Variants in CNTNAP2 observed in about 807,000 individuals in gnomAD.
CNTNAP2 encodes the protein contactin-associated protein-like 2.
CNTNAP2 carries 98 observed loss-of-function variants against 155.2 expected under a neutral mutation model. The observed-to-expected ratio is 0.63, with a 90% CI of 0.54 to 0.75. The LOEUF (loss-of-function observed/expected upper bound fraction) is 0.75. Among genes scored for constraint, CNTNAP2 ranks in the 30% least tolerant of loss-of-function variants. The pLI, the probability that CNTNAP2 is intolerant of heterozygous loss-of-function variation, is 0.00. For synonymous variants in CNTNAP2, 651 were observed against 631.2 expected, an observed-to-expected ratio of 1.03 and a Z score of -0.47; for missense variants, 1,727 against 1,688.1, an observed-to-expected ratio of 1.02 and a Z score of -0.40.
intron 1 of CNTNAP2, among the ~76,000 whole-genome samples, chr7:146,334,213 G>C (rs1461779943): frequency 6.6e-6 from 1 of 152,052 alleles, no homozygotes; most frequent in South Asian, 2.1e-4. Flanking sequence ...AAGCAGATTA[G>C]GAGGTCAGGA....
At chr7:146,939,266 C>T (rs1325530434) in intron 3 of CNTNAP2, among the ~76,000 whole-genome samples, 2 of 152,092 alleles carry the variant, frequency 1.3e-5, no homozygotes, top group South Asian at 4.1e-4. Flanking sequence ...AATAGGAGTT[C>T]GTTTTGAATT....
At chr7:148,080,790 G>A (rs1424332537) in intron 15 of CNTNAP2, among the ~76,000 whole-genome samples, 1 of 152,072 alleles carries the variant, frequency 6.6e-6, no homozygotes, top group East Asian at 1.9e-4. Context: ...AGCAGGGGGG[G>A]AAATGTGAGG....
intron 13 of CNTNAP2, among the ~76,000 whole-genome samples, chr7:147,822,300 G>A (rs1408549503): frequency 1.3e-5 from 2 of 152,184 alleles, no homozygotes; most frequent in Non-Finnish European, 2.9e-5. Flanking sequence ...TAGATACATG[G>A]AGATGTTGTG....
At chr7:147,513,405 T>C (rs1156481704) in intron 11 of CNTNAP2, among the ~76,000 whole-genome samples, 1 of 152,186 alleles carries the variant, frequency 6.6e-6, no homozygotes. Context: ...AATAAATGTG[T>C]AGGTGGCCTT....
intron 1 of CNTNAP2, among the ~76,000 whole-genome samples, chr7:146,122,641 T>A (rs546281818): frequency 7.8e-6 from 1 of 127,898 alleles, no homozygotes; most frequent in East Asian, 2.3e-4. Context: ...GGTTAGGACT[T>A]CCAAACTCTC....
chr7:147,015,497 G>A (rs923889938), intron 3 of CNTNAP2, among the ~76,000 whole-genome samples: 24 of 151,722 alleles, frequency 1.6e-4, no homozygotes, highest in African/African-American at 5.1e-4. Context: ...ATCTAAAGAC[G>A]CATTTACTTT....
intron 8 of CNTNAP2, among the ~76,000 whole-genome samples, chr7:147,239,246 G>C (rs1803883713): frequency 6.6e-6 from 1 of 151,854 alleles, no homozygotes; most frequent in South Asian, 2.1e-4. Flanking sequence ...GGTGGCTTAC[G>C]CCTATAATCT....
chr7:147,301,041 A>G (rs892408030), intron 9 of CNTNAP2, among the ~76,000 whole-genome samples: 1 of 152,136 alleles, frequency 6.6e-6, no homozygotes, highest in African/African-American at 2.4e-5. Context: ...AACCTGTGGG[A>G]AGTGAGTCAC....
chr7:147,909,691 T>C (rs542924983), intron 14 of CNTNAP2, among the ~76,000 whole-genome samples: 1 of 152,306 alleles, frequency 6.6e-6, no homozygotes, highest in Non-Finnish European at 1.5e-5. Context: ...TAATTCCTGG[T>C]CTCTTGCAGC....
chr7:146,740,636 G>A (rs904148911), intron 1 of CNTNAP2, among the ~76,000 whole-genome samples: 3 of 152,170 alleles, frequency 2.0e-5, no homozygotes, highest in Non-Finnish European at 4.4e-5. Flanking sequence ...TCAGACTCCT[G>A]AGCCAGTGTT....
At chr7:147,925,273 AACACACACAAGCGCGCGCGCACACACAC>A (rs1800371864) in intron 14 of CNTNAP2, among the ~76,000 whole-genome samples, 1 of 133,932 alleles carries the variant, frequency 7.5e-6, no homozygotes, top group East Asian at 2.3e-4. Flanking sequence ...AATGCAGACA[AACACACACAAGCGCGCGCGCACACACAC>A]ACACACACAC....
At chr7:147,010,076 C>T (rs1052197072) in intron 3 of CNTNAP2, among the ~76,000 whole-genome samples, 10 of 142,526 alleles carry the variant, frequency 7.0e-5, no homozygotes, top group Admixed American at 6.7e-4. Context: ...GTGGCATGAT[C>T]TGGGCTCACT....
chr7:148,048,236 A>G (rs1802811446), intron 15 of CNTNAP2, among the ~76,000 whole-genome samples: 1 of 152,060 alleles, frequency 6.6e-6, no homozygotes. Context: ...TGGGTGCCTT[A>G]CTTTTAGTAA....
chr7:146,646,316 A>G (rs1307962906), intron 1 of CNTNAP2, among the ~76,000 whole-genome samples: 2 of 152,078 alleles, frequency 1.3e-5, no homozygotes, highest in Non-Finnish European at 2.9e-5. Context: ...GTGAATGCTC[A>G]CTAGTTTGTG....
chr7:147,132,088 A>C (rs574700975), intron 7 of CNTNAP2, among the ~76,000 whole-genome samples, 157 bp from the exon 8 acceptor site: 2 of 152,272 alleles, frequency 1.3e-5, no homozygotes, highest in Non-Finnish European at 1.5e-5. Context: ...GTAGTGGTGC[A>C]TCCAGTCACT....
At chr7:146,471,069 G>T (rs914096450) in intron 1 of CNTNAP2, among the ~76,000 whole-genome samples, 10 of 152,102 alleles carry the variant, frequency 6.6e-5, no homozygotes, top group Admixed American at 6.5e-4. Context: ...CAGAATGATT[G>T]GGAGTGGAAT....
At chr7:147,469,949 G>T (rs1254729023) in intron 10 of CNTNAP2, among the ~76,000 whole-genome samples, 1 of 152,156 alleles carries the variant, frequency 6.6e-6, no homozygotes, top group Non-Finnish European at 1.5e-5. Flanking sequence ...GACACTAGCA[G>T]TCACAAAGAT....
chr7:146,711,126 A>G (rs1461153734), intron 1 of CNTNAP2, among the ~76,000 whole-genome samples: 2 of 151,456 alleles, frequency 1.3e-5, no homozygotes, highest in Non-Finnish European at 2.9e-5. Flanking sequence ...ACACAGACAC[A>G]CACACACATA....
intron 13 of CNTNAP2, among the ~76,000 whole-genome samples, chr7:147,805,527 T>G (rs1454808224): frequency 6.6e-6 from 1 of 152,196 alleles, no homozygotes; most frequent in African/African-American, 2.4e-5. Flanking sequence ...AGGCATTCAG[T>G]TTTTCCCTGC....
Sources: allele counts gnomAD v4.1 joint callset (sites outside exome capture counted in the v4.1 genomes callset), GRCh38; gene constraint gnomAD v4.1.1; transcripts MANE v1.5; gene names NCBI Gene and HGNC (gene_info 2026-07-23, HGNC 2026-07-21).